The following ELP3 variants were observed in gnomAD, a reference collection of about 807,000 sequenced individuals.
ELP3 encodes the protein elongator complex protein 3.
ELP3 carries 56 observed loss-of-function variants against 74.9 expected under a neutral mutation model. The ratio of observed to expected loss-of-function variants is 0.75; its 90% CI spans 0.60 to 0.93. The LOEUF is 0.93. Among genes scored for constraint, ELP3 ranks in the 40% least tolerant of loss-of-function variants. ELP3 has a pLI of 0.00. For synonymous variants in ELP3, 222 were observed against 239.8 expected (o/e 0.93, Z 0.68); for missense variants, 573 against 686.5 (o/e 0.83, Z 1.85).
intron 8 of ELP3, among the ~76,000 whole-genome samples, chr8:28,130,291 G>A (rs1255013988): frequency 6.6e-6 from 1 of 152,226 alleles, no homozygotes; most frequent in Non-Finnish European, 1.5e-5. Context: ...CAGCTGAGAT[G>A]ATTGACCGAG....
chr8:28,095,278 A>G (rs1256743451), intron 1 of ELP3, among the ~76,000 whole-genome samples: 6 of 152,234 alleles, frequency 3.9e-5, no homozygotes, highest in Non-Finnish European at 5.9e-5. Flanking sequence ...CAAGAGCTAT[A>G]CAAGTGGTTT....
At chr8:28,158,718 A>G in intron 12 of ELP3, 85 bp downstream of exon 12, 1 of 1,100,952 alleles carries the variant, frequency 9.1e-7, no homozygotes, top group Middle Eastern at 2.0e-4. Flanking sequence ...AACCAAGGAC[A>G]GAGCCCCAGG....
At chr8:28,175,395 C>T (rs1287179339) in intron 14 of ELP3, among the ~76,000 whole-genome samples, 1 of 152,146 alleles carries the variant, frequency 6.6e-6, no homozygotes, top group Non-Finnish European at 1.5e-5. Flanking sequence ...CTGCTGCCTC[C>T]TCTTAACTGC....
At chr8:28,104,993 T>G (rs181486191) in intron 3 of ELP3, among the ~76,000 whole-genome samples, 23 of 152,362 alleles carry the variant, frequency 1.5e-4, no homozygotes, top group African/African-American at 5.5e-4. Context: ...TATTGTGGAC[T>G]TGACCAGTGG....
At chr8:28,161,910 A>G in intron 13 of ELP3, 87 bp from the exon 14 acceptor site, 1 of 1,327,540 alleles carries the variant, frequency 7.5e-7, no homozygotes, top group South Asian at 1.3e-5. Context: ...AGCAACTACT[A>G]AAGTATATAG....
At chr8:28,138,853 T>A (rs1813101470) in intron 10 of ELP3, among the ~76,000 whole-genome samples, 1 of 152,234 alleles carries the variant, frequency 6.6e-6, no homozygotes, top group Admixed American at 6.5e-5. Flanking sequence ...GGATCTGAAT[T>A]GCCTATATGG....
chr8:28,162,643 CAG>C (rs1435297192), intron 14 of ELP3, among the ~76,000 whole-genome samples: 1 of 152,114 alleles, frequency 6.6e-6, no homozygotes, highest in East Asian at 1.9e-4. Flanking sequence ...GGCAGATTAA[CAG>C]GGGAAAAGCA....
In ELP3 at chr8:28,130,298, C is replaced by T. The variant is rs574754997; in HGVS notation, c.779+635C>T. 5.9e-5 allele frequency among the ~76,000 whole-genome samples: 9 copies of T among 152,148 alleles called. No individual in the cohort carries two copies. The South Asian group carries it at 1.5e-3, about 25-fold the overall frequency. ...TTATTAGGCAGCTGAGATGATTGAC[C>T]GAGAATTCTAACGGTGGGCTTTGGA... On this transcript the variant is annotated intron_variant, in intron 8 of 14. Coordinates refer to ENST00000256398, the MANE Select transcript of ELP3 (RefSeq NM_018091.6).
In ELP3 at chr8:28,110,392, G is replaced by A. The variant is rs144486746; in HGVS notation, c.416G>A (p.Arg139His). The change falls in exon 6 of 15, where the codon CGT becomes CAT. Residue 139 changes from arginine (R) to histidine (H), a missense_variant. Physicochemically the swap from Arg to His is conservative, Grantham distance 29 (BLOSUM62 0). Transcript: ENST00000256398. ...GYEPTSMRAI[R>H]ARYDPFLQTR... is the part of the protein sequence containing the mutation. ...TAGCCAACCTCCATGAGAGCTATCC[G>A]TGCCAGATATGACCCTTTCCTACAG... 1.6e-4 allele frequency: 257 copies of A among 1,613,712 alleles called. No homozygotes were observed. Among genetic ancestry groups the A allele is most frequent in the Non-Finnish European group, 1.8e-4 (214 of 1,179,862 alleles).
chr8:28,108,576 C>A (rs1262952345), intron 5 of ELP3, among the ~76,000 whole-genome samples: 2 of 151,106 alleles, frequency 1.3e-5, no homozygotes, highest in African/African-American at 4.9e-5. Flanking sequence ...CCTGCCTCAG[C>A]CTCCCGAGTA....
intron 14 of ELP3, among the ~76,000 whole-genome samples, chr8:28,168,558 C>G (rs1416806966): frequency 6.6e-6 from 1 of 152,192 alleles, no homozygotes; most frequent in Non-Finnish European, 1.5e-5. Flanking sequence ...TTCCTAATAA[C>G]ATTCCTGAAA....
intron 7 of ELP3, among the ~76,000 whole-genome samples, chr8:28,123,179 C>T (rs545254423): frequency 3.9e-5 from 6 of 152,308 alleles, no homozygotes; most frequent in African/African-American, 1.4e-4. Flanking sequence ...CAAAGCACTG[C>T]TTTAGCTGAA....
chr8:28,135,795 G>A (rs1297468648), intron 9 of ELP3, among the ~76,000 whole-genome samples: 1 of 152,080 alleles, frequency 6.6e-6, no homozygotes, highest in Non-Finnish European at 1.5e-5. Flanking sequence ...CAGGCCTTTC[G>A]TTACTGTCTC....
chr8:28,133,374 T>G (rs1192041025), intron 9 of ELP3, among the ~76,000 whole-genome samples: 1 of 152,016 alleles, frequency 6.6e-6, no homozygotes, highest in Non-Finnish European at 1.5e-5. Context: ...AATATTTTCC[T>G]TAACCTATTG....
chr8:28,176,479 G>C (rs568032938), intron 14 of ELP3, among the ~76,000 whole-genome samples: 3 of 152,274 alleles, frequency 2.0e-5, no homozygotes, highest in African/African-American at 7.2e-5. Flanking sequence ...GGCTACGGTG[G>C]AGCTAAGGAA....
intron 14 of ELP3, among the ~76,000 whole-genome samples, chr8:28,184,966 C>A (rs1319544479): frequency 2.1e-5 from 3 of 139,914 alleles, no homozygotes; most frequent in Non-Finnish European, 4.7e-5. Flanking sequence ...AAAACTCCAT[C>A]TCAAAAAAAA....
chr8:28,182,286 C>T (rs1261863016), intron 14 of ELP3, among the ~76,000 whole-genome samples: 1 of 152,126 alleles, frequency 6.6e-6, no homozygotes, highest in Non-Finnish European at 1.5e-5. Flanking sequence ...TGCGGCCGGG[C>T]ACAGTGGCTA....
At chr8:28,118,577 A>G (rs1447086178) in intron 7 of ELP3, among the ~76,000 whole-genome samples, 3 of 152,166 alleles carry the variant, frequency 2.0e-5, no homozygotes, top group African/African-American at 4.8e-5. Flanking sequence ...GAGAGCAACA[A>G]TTACTGGTGA....
At chr8:28,156,815 G>T (rs1813845227) in intron 11 of ELP3, among the ~76,000 whole-genome samples, 1 of 152,164 alleles carries the variant, frequency 6.6e-6, no homozygotes, top group Non-Finnish European at 1.5e-5. Flanking sequence ...TATGGTGTTT[G>T]TGGACTTAAC....
Sources: gnomAD v4.1 joint callset for allele counts (sites outside exome capture counted in the v4.1 genomes callset) on GRCh38, gnomAD v4.1.1 for gene constraint, MANE v1.5 for transcripts, NCBI Gene and HGNC (gene_info 2026-07-23, HGNC 2026-07-21) for gene names.